Variants in GALNT1 observed in about 807,000 individuals in gnomAD.
GALNT1 encodes GalNAc transferase 1.
In GALNT1, 17 loss-of-function variants were observed where a neutral mutation model predicts 65.7. That is an observed-to-expected ratio of 0.26 (90% CI 0.18 to 0.39). The LOEUF is 0.39. Among genes scored for constraint, GALNT1 ranks in the 10% least tolerant of loss-of-function variants. GALNT1 has a pLI of 1.00. For missense variants in GALNT1, 460 were observed against 672.8 expected, an observed-to-expected ratio of 0.68 and a Z score of 3.50; for synonymous variants, 210 against 219.7, an observed-to-expected ratio of 0.96 and a Z score of 0.39.
At chr18:35,634,835 A>G (rs1211811664) in intron 1 of GALNT1, among the ~76,000 whole-genome samples, 1 of 152,230 alleles carries the variant, frequency 6.6e-6, no homozygotes, top group Non-Finnish European at 1.5e-5. Context: ...TAAAGTTTCC[A>G]CATGCCAGCC....
rs1331304055 is a variant in GALNT1 at position 35,706,292 on chromosome 18, C to T, written c.1533+2649C>T. 9.2e-5 allele frequency among the ~76,000 whole-genome samples: 14 copies of T among 152,080 alleles called. No individual in the cohort carries two copies. In the East Asian group the frequency reaches 1.4e-3, roughly 15 times the overall value. ...TTGGGAGGCCGAGGTGGGCGGATGA[C>T]GAGGTCAGGAGATCGAGACCACAGT... On this transcript the variant is annotated intron_variant, in intron 11 of 11. Transcript: ENST00000269195.
intron 1 of GALNT1, among the ~76,000 whole-genome samples, chr18:35,621,550 ATTAT>A (rs1176621782): frequency 0.052 from 7,213 of 138,538 alleles, 362 homozygotes; most frequent in African/African-American, 0.095. Flanking sequence ...TCTTTTGTTC[ATTAT>A]CTGTATGTAT....
intron 2 of GALNT1, among the ~76,000 whole-genome samples, chr18:35,658,648 C>T (rs770451262): frequency 2.2e-4 from 33 of 151,440 alleles, no homozygotes; most frequent in Non-Finnish European, 3.7e-4. Flanking sequence ...TGGGTAATGG[C>T]ACCAAGGATG....
intron 1 of GALNT1, among the ~76,000 whole-genome samples, chr18:35,638,584 G>T (rs546329212): frequency 3.9e-5 from 6 of 152,086 alleles, no homozygotes; most frequent in African/African-American, 2.4e-5. Context: ...TAACCTAAGC[G>T]TTCAGGCACA....
chr18:35,654,933 A>C, intron 2 of GALNT1, 132 bp downstream of exon 2: 8 of 560,426 alleles, frequency 1.4e-5, no homozygotes, highest in Non-Finnish European at 1.9e-5. Flanking sequence ...AGATATGAGG[A>C]TCATATTGAT....
In GALNT1 at chr18:35,709,824, A is replaced by C. The variant is rs2048327156; in HGVS notation, c.*54A>C. Reference sequence around the variant, plus strand: ...TAAGGATTGACTGGGCTACCTCAGCATACATTTCTGCCACATTCTTAAGTA... The same window carrying C: ...TAAGGATTGACTGGGCTACCTCAGCCTACATTTCTGCCACATTCTTAAGTA... On this transcript the variant is annotated 3_prime_UTR_variant, in exon 12 of 12. Transcript: ENST00000269195. The C allele has an allele frequency of 6.3e-7, 1 of 1,596,526 alleles. No individual in the cohort carries two copies.
At chr18:35,583,533 G>T (rs1391039879) in intron 1 of GALNT1, among the ~76,000 whole-genome samples, 1 of 150,876 alleles carries the variant, frequency 6.6e-6, no homozygotes, top group East Asian at 1.9e-4. Flanking sequence ...ATGTATCACT[G>T]AAGACTTTAC....
At chr18:35,641,336 C>T (rs533424283) in intron 1 of GALNT1, among the ~76,000 whole-genome samples, 11 of 152,088 alleles carry the variant, frequency 7.2e-5, no homozygotes, top group Admixed American at 6.5e-4. Context: ...AGTCCTAGCT[C>T]GGAGGCTGAA....
chr18:35,625,002 A>G (rs973737834), intron 1 of GALNT1, among the ~76,000 whole-genome samples: 2 of 152,228 alleles, frequency 1.3e-5, no homozygotes, highest in African/African-American at 2.4e-5. Context: ...ATTAAGATAC[A>G]TTATGATGTA....
upstream of GALNT1, among the ~76,000 whole-genome samples, chr18:35,581,528 C>CG (rs200503447): frequency 0.99 from 141,805 of 142,904 alleles, 70,377 homozygotes; most frequent in Non-Finnish European, 1. Context: ...CGCGCCCGAG[C>CG]GCCTGCGGGC....
At chr18:35,652,490 G>C (rs917697844) in intron 1 of GALNT1, among the ~76,000 whole-genome samples, 13 of 152,102 alleles carry the variant, frequency 8.5e-5, no homozygotes, top group Non-Finnish European at 1.9e-4. Context: ...GCTGCTGCTT[G>C]TGTATGTATG....
intron 9 of GALNT1, among the ~76,000 whole-genome samples, chr18:35,701,343 T>C (rs1406963463): frequency 6.6e-6 from 1 of 152,226 alleles, no homozygotes; most frequent in African/African-American, 2.4e-5. Flanking sequence ...GCTCGGGTTA[T>C]AGACATGGGT....
chr18:35,682,608 T>G (rs967874668), intron 4 of GALNT1, among the ~76,000 whole-genome samples: 2 of 152,166 alleles, frequency 1.3e-5, no homozygotes, highest in Non-Finnish European at 2.9e-5. Flanking sequence ...GCACCTTTTC[T>G]GCTTTTTAAA....
chr18:35,588,173 C>G (rs1169174921), intron 1 of GALNT1, among the ~76,000 whole-genome samples: 1 of 152,128 alleles, frequency 6.6e-6, no homozygotes, highest in African/African-American at 2.4e-5. Flanking sequence ...GGCATTCTAT[C>G]AACTGTGGAG....
intron 3 of GALNT1, among the ~76,000 whole-genome samples, chr18:35,668,811 G>A (rs898590043): frequency 2.6e-5 from 4 of 152,096 alleles, no homozygotes; most frequent in African/African-American, 9.7e-5. Context: ...AAGATTATAA[G>A]TGAATATTAT....
In GALNT1 at chr18:35,709,930, A is replaced by G. The variant is rs2048328501; in HGVS notation, c.*160A>G. 2.6e-6 allele frequency: 2 copies of G among 776,560 alleles called. No homozygotes were observed. The highest frequency in any genetic ancestry group is 3.5e-5 in the African/African-American group (2 of 57,062). 48.1% of individuals were successfully genotyped at this position (776,560 alleles called of 1,614,324 possible). On this transcript the variant is annotated 3_prime_UTR_variant, in exon 12 of 12. Transcript: ENST00000269195. ...AAAACTTAGACTTCTCTAGCTTTTC[A>G]CTAGCTGTGAACCAGCCTTCCTGTC...
At chr18:35,606,823 G>T (rs1324247935) in intron 1 of GALNT1, among the ~76,000 whole-genome samples, 3 of 16,286 alleles carry the variant, frequency 1.8e-4, no homozygotes, top group Non-Finnish European at 2.7e-4. Flanking sequence ...TTGATGTTTT[G>T]TGTGTGTGTG....
chr18:35,693,759 G>C (rs2048007705), intron 9 of GALNT1, among the ~76,000 whole-genome samples: 1 of 152,156 alleles, frequency 6.6e-6, no homozygotes, highest in Admixed American at 6.5e-5. Flanking sequence ...TTCACTTTGG[G>C]GGAGAGGTTG....
intron 9 of GALNT1, among the ~76,000 whole-genome samples, chr18:35,699,917 G>A (rs62102707): frequency 0.097 from 14,794 of 152,132 alleles, 842 homozygotes; most frequent in South Asian, 0.15. Flanking sequence ...TAGTCTTAAA[G>A]CTATATGGAA....
Sources: allele counts gnomAD v4.1 joint callset (sites outside exome capture counted in the v4.1 genomes callset), GRCh38; gene constraint gnomAD v4.1.1; transcripts MANE v1.5; gene names NCBI Gene and HGNC (gene_info 2026-07-23, HGNC 2026-07-21).